Variants in LRCH3 observed in about 807,000 individuals in gnomAD.
LRCH3 encodes the protein DISP complex protein LRCH3.
Under a neutral mutation model 104.5 loss-of-function variants are expected in LRCH3, and 68 were observed. The observed-to-expected ratio is 0.65, with a 90% CI of 0.54 to 0.80. The LOEUF (loss-of-function observed/expected upper bound fraction) is 0.80. Among genes scored for constraint, LRCH3 ranks in the 30% least tolerant of loss-of-function variants. LRCH3 has a pLI of 0.00. For synonymous variants in LRCH3, 344 were observed against 361.3 expected, an observed-to-expected ratio of 0.95 and a Z score of 0.54; for missense variants, 951 against 953.9, an observed-to-expected ratio of 1.00 and a Z score of 0.04.
At chr3:197,792,190 AAAAT>A (rs1353195390) in intron 1 of LRCH3, among the ~76,000 whole-genome samples, 1 of 151,902 alleles carries the variant, frequency 6.6e-6, no homozygotes, top group Admixed American at 6.6e-5. Context: ...GTTGACTTAC[AAAAT>A]AAATACGCTT....
At chr3:197,825,446 C>T (rs1453320019) in intron 4 of LRCH3, among the ~76,000 whole-genome samples, 1 of 67,652 alleles carries the variant, frequency 1.5e-5, no homozygotes, top group Non-Finnish European at 3.2e-5. Flanking sequence ...TATTAGACCT[C>T]TTTGTTGATC....
intron 1 of LRCH3, among the ~76,000 whole-genome samples, chr3:197,804,575 C>T (rs900601264): frequency 2.0e-5 from 3 of 152,282 alleles, no homozygotes; most frequent in Non-Finnish European, 4.4e-5. Flanking sequence ...TGGGGCTTTC[C>T]ACCCAAAATT....
At chr3:197,843,002 T>C (rs1309241129) in intron 10 of LRCH3, among the ~76,000 whole-genome samples, 1 of 151,434 alleles carries the variant, frequency 6.6e-6, no homozygotes, top group African/African-American at 2.4e-5. Flanking sequence ...GGAGAATCGC[T>C]TGAACCCTGG....
chr3:197,880,477 T>C, intron 20 of LRCH3: 1 of 1,489,758 alleles, frequency 6.7e-7, no homozygotes, highest in Middle Eastern at 1.7e-4. Context: ...TGACTTTGTT[T>C]TTCTGTTTTC....
rs533279345 is a variant in LRCH3 at position 197,866,376 on chromosome 3, GA to G, written c.1873+161del. ...TGTGATCTCACTGATACTAAAGCAG[GA>G]AAATCTTATCTGAATTTGTTTGGAT... On this transcript the variant is annotated intron_variant, in intron 17 of 20. Coordinates refer to ENST00000425562, the MANE Select transcript of LRCH3 (RefSeq NM_001365715.1). Among the ~76,000 whole-genome samples the G allele has an allele frequency of 2.9e-4, 44 of 152,322 alleles. No homozygotes were observed. In the South Asian group the frequency reaches 7.0e-3, roughly 24 times the overall value.
chr3:197,878,538 C>T (rs560784254), intron 20 of LRCH3, among the ~76,000 whole-genome samples: 35 of 152,118 alleles, frequency 2.3e-4, no homozygotes, highest in Non-Finnish European at 3.2e-4. Context: ...CCTCCTTCTC[C>T]GTCACCAGAA....
chr3:197,855,630 G>A lies in LRCH3; in HGVS notation c.1644+1185G>A, dbSNP rs1316119055. ...GAAACTGAAAACCGTTTAGGAAACC[G>A]AAGGTTTAATAACACATGGAATAAG... On this transcript the variant is annotated intron_variant, in intron 14 of 20. Coordinates refer to ENST00000425562, the MANE Select transcript of LRCH3 (RefSeq NM_001365715.1). 3.3e-5 allele frequency among the ~76,000 whole-genome samples: 5 copies of A among 151,740 alleles called. No homozygotes were observed. The South Asian group carries it at 6.2e-4, about 19-fold the overall frequency.
At chr3:197,847,844 T>C (rs2109388570) in intron 11 of LRCH3, 28 bp from the exon 12 acceptor site, 4 of 1,609,676 alleles carry the variant, frequency 2.5e-6, no homozygotes, top group Non-Finnish European at 3.4e-6. Flanking sequence ...TTTTTACTTT[T>C]GTATGCACAA....
At chr3:197,851,600 C>T (rs78358645) in intron 12 of LRCH3, among the ~76,000 whole-genome samples, 2,630 of 152,254 alleles carry the variant, frequency 0.017, 102 homozygotes, top group African/African-American at 0.061. Context: ...TTTCAGAAAG[C>T]TACTGAGCCA....
chr3:197,873,999 G>A (rs1415223535), intron 19 of LRCH3, among the ~76,000 whole-genome samples: 7 of 141,188 alleles, frequency 5.0e-5, no homozygotes, highest in Admixed American at 7.3e-5. Context: ...CCAGCCTGGC[G>A]ACAGAGTGAG....
At chr3:197,882,236 C>G in intron 20 of LRCH3, 1 of 985,358 alleles carries the variant, frequency 1.0e-6, no homozygotes, top group Non-Finnish European at 1.2e-6. Context: ...GAGGAAGAGA[C>G]CAGGGAATCA....
At position 197,847,414 on chromosome 3, in the gene LRCH3, C is replaced by A; in HGVS notation, c.1334C>A (p.Pro445Gln). 1 of 1,595,008 alleles carries A rather than the reference C, an allele frequency of 6.3e-7. No homozygotes were observed. The change falls in exon 11 of 21, where the codon CCA (proline) becomes CAA (glutamine). Residue 445 changes from proline (P) to glutamine (Q), a missense_variant. Coordinates refer to ENST00000425562, the MANE Select transcript of LRCH3 (RefSeq NM_001365715.1). ...MRRYLHQNRV[P>Q]AEPSSLLSLS... is the part of the protein sequence containing the mutation. ...TTTTTTCTTTTTTGGGTCAGGGTTC[C>A]AGCTGAGCCATCTTCCCTCCTGTCA...
intron 19 of LRCH3, among the ~76,000 whole-genome samples, chr3:197,875,015 C>T (rs143148768): frequency 0.017 from 2,492 of 147,686 alleles, 96 homozygotes; most frequent in African/African-American, 0.063. Flanking sequence ...CTCTGCCTCC[C>T]GGGTTCCCGG....
chr3:197,831,010 A>G (rs1735856745), intron 7 of LRCH3, 147 bp downstream of exon 7: 2 of 638,752 alleles, frequency 3.1e-6, no homozygotes, highest in African/African-American at 1.8e-5. Context: ...CACCCTCTCC[A>G]GCAGAATTGG....
At chr3:197,848,984 C>T (rs919343204) in intron 12 of LRCH3, among the ~76,000 whole-genome samples, 10 of 152,172 alleles carry the variant, frequency 6.6e-5, no homozygotes, top group Non-Finnish European at 1.3e-4. Context: ...GCAAATCTGG[C>T]CGGGTGTGGT....
chr3:197,871,547 A>G, intron 19 of LRCH3, 85 bp downstream of exon 19: 1 of 1,560,746 alleles, frequency 6.4e-7, no homozygotes, highest in Non-Finnish European at 8.8e-7. Flanking sequence ...GCATTGTGCT[A>G]GATATTAAGG....
chr3:197,815,190 A>C, intron 2 of LRCH3, 138 bp downstream of exon 2: 1 of 499,364 alleles, frequency 2.0e-6, no homozygotes, highest in Non-Finnish European at 3.4e-6. Flanking sequence ...GGATATATTA[A>C]CAGTATTTCC....
intron 12 of LRCH3, chr3:197,850,347 T>G: frequency 1.1e-6 from 1 of 909,434 alleles, no homozygotes; most frequent in Non-Finnish European, 1.6e-6. Context: ...AGGTACCATT[T>G]TTTCTTTTTT....
intron 18 of LRCH3, 54 bp from the exon 19 acceptor site, chr3:197,871,271 C>A: frequency 1.5e-6 from 2 of 1,355,318 alleles, no homozygotes; most frequent in Non-Finnish European, 2.1e-6. Context: ...TCCCTTATGT[C>A]CTATATGTCA....
Sources: allele counts gnomAD v4.1 joint callset (sites outside exome capture counted in the v4.1 genomes callset), GRCh38; gene constraint gnomAD v4.1.1; transcripts MANE v1.5; gene names NCBI Gene and HGNC (gene_info 2026-07-23, HGNC 2026-07-21).